LINC00237: variants seen among roughly 807,000 people sequenced by gnomAD.
LINC00237 encodes the protein long intergenic non-protein coding RNA 237.
exon 2 of LINC00237, chr20:21,093,541 A>G (rs1198858332): frequency 6.6e-6 from 1 of 152,270 alleles, no homozygotes; most frequent in African/African-American, 2.4e-5. Flanking sequence ...AAACGGTCCA[A>G]TCACAACACA....
At chr20:21,088,072 C>T (rs1211948048) in intron 2 of LINC00237, 1 of 152,204 alleles carries the variant, frequency 6.6e-6, no homozygotes, top group Non-Finnish European at 1.5e-5. Flanking sequence ...GTTACCAATG[C>T]ATTACAGCTG....
chr20:21,086,646 ATAC>A (rs2030703354), intron 3 of LINC00237, among the ~76,000 whole-genome samples: 3 of 129,884 alleles, frequency 2.3e-5, no homozygotes, highest in African/African-American at 8.9e-5. Context: ...TATATATAGT[ATAC>A]TATATATGTA....
intron 1 of LINC00237, among the ~76,000 whole-genome samples, chr20:21,097,479 T>C (rs997314384): frequency 1.1e-4 from 16 of 152,268 alleles, no homozygotes; most frequent in Admixed American, 7.9e-4. Flanking sequence ...AAAAAATCCT[T>C]TATGCTCCAT....
chr20:21,088,518 G>T (rs2030744958), intron 2 of LINC00237, among the ~76,000 whole-genome samples: 1 of 152,210 alleles, frequency 6.6e-6, no homozygotes, highest in Admixed American at 6.5e-5. Context: ...GACAATTGGA[G>T]TTGCAAGTCT....
chr20:21,098,234 A>T lies in LINC00237; in HGVS notation n.89-4382T>A, dbSNP rs184816827. Among the ~76,000 whole-genome samples, 506 of 152,344 alleles carry T rather than the reference A, an allele frequency of 3.3e-3. 3 individuals are homozygous for T. The highest frequency in any genetic ancestry group is 0.012 in the African/African-American group (482 of 41,582). On this transcript the variant is annotated intron_variant and non_coding_transcript_variant, in intron 1 of 3. Transcript: ENST00000691244. ...GAAATGTTTTCAAATCACTCTGCTG[A>T]CTAGAGGAGTCTGAATCAAAGTCAG...
chr20:21,086,875 C>A (rs2030716917), intron 3 of LINC00237, among the ~76,000 whole-genome samples: 1 of 128,650 alleles, frequency 7.8e-6, no homozygotes. Context: ...ATAGTATACA[C>A]TATATAGTAT....
At chr20:21,097,460 A>C (rs1304433265) in intron 1 of LINC00237, among the ~76,000 whole-genome samples, 1 of 152,116 alleles carries the variant, frequency 6.6e-6, no homozygotes, top group Non-Finnish European at 1.5e-5. Context: ...CTTTTATGTC[A>C]ATTTAAAAAA....
intron 3 of LINC00237, chr20:21,087,823 A>C (rs6137253): frequency 0.13 from 20,511 of 152,180 alleles, 1,550 homozygotes; most frequent in East Asian, 0.31. Flanking sequence ...AGGAACGAGC[A>C]AATATTTTTT....
At chr20:21,088,430 G>T (rs1007471432) in intron 2 of LINC00237, among the ~76,000 whole-genome samples, 3 of 152,094 alleles carry the variant, frequency 2.0e-5, no homozygotes, top group Non-Finnish European at 4.4e-5. Context: ...CCACACAAAC[G>T]CTATACTATT....
chr20:21,094,045 G>A (rs2030824703), intron 1 of LINC00237, among the ~76,000 whole-genome samples: 2 of 152,210 alleles, frequency 1.3e-5, no homozygotes, highest in Admixed American at 1.3e-4. Flanking sequence ...TTTGGGAAGG[G>A]GAAGCCTTCC....
chr20:21,091,066 T>C (rs1185244542), intron 2 of LINC00237, among the ~76,000 whole-genome samples: 3 of 151,812 alleles, frequency 2.0e-5, no homozygotes, highest in East Asian at 1.9e-4. Context: ...TGTGCGTGTG[T>C]GTGTGTGTGT....
rs1159290706 is a variant in LINC00237 at position 21,101,543 on chromosome 20, G to A, written n.88+4728C>T. The A allele has an allele frequency of 6.6e-6, 1 of 152,402 alleles. No individual in the cohort carries two copies. Among genetic ancestry groups the A allele is most frequent in the Non-Finnish European group, 1.5e-5 (1 of 68,184 alleles). 9.4% of individuals were successfully genotyped at this position (152,402 alleles called of 1,614,324 possible). On this transcript the variant is annotated intron_variant and non_coding_transcript_variant, in intron 1 of 3. Transcript: ENST00000691244. The surrounding 1 kb of genome is among the most constrained non-coding windows in gnomAD (Gnocchi z 4.3). ...TGGAGTCCCCTCCAGTGTCCCCAGG[G>A]ACGCAGTCCGCGGCCGCCAGCTCCA...
At chr20:21,086,017 T>C (rs2030687467) in intron 3 of LINC00237, among the ~76,000 whole-genome samples, 1 of 152,204 alleles carries the variant, frequency 6.6e-6, no homozygotes, top group African/African-American at 2.4e-5. Flanking sequence ...GCACACGCAG[T>C]GCATTTGCAT....
At chr20:21,090,318 A>C (rs1429163672) in intron 2 of LINC00237, 3 of 152,228 alleles carry the variant, frequency 2.0e-5, no homozygotes, top group Non-Finnish European at 2.9e-5. Flanking sequence ...TGTCTAAAAG[A>C]CGGTGTTTTT....
chr20:21,089,570 C>T (rs1334475709), intron 2 of LINC00237: 1 of 152,134 alleles, frequency 6.6e-6, no homozygotes, highest in Non-Finnish European at 1.5e-5. Context: ...TTTACCTGCA[C>T]AGGAAGAATT....
intron 2 of LINC00237, among the ~76,000 whole-genome samples, chr20:21,092,094 A>G (rs2030800887): frequency 6.6e-6 from 1 of 152,222 alleles, no homozygotes; most frequent in African/African-American, 2.4e-5. Flanking sequence ...CTTCAACTCA[A>G]TTAAAGAGTC....
chr20:21,105,072 G>A (rs1309231816), intron 1 of LINC00237, among the ~76,000 whole-genome samples: 1 of 152,128 alleles, frequency 6.6e-6, no homozygotes, highest in Non-Finnish European at 1.5e-5. Flanking sequence ...CCGAAGCACC[G>A]GACACCAGGC....
chr20:21,102,997 C>T (rs1300377295), intron 1 of LINC00237, among the ~76,000 whole-genome samples: 1 of 152,250 alleles, frequency 6.6e-6, no homozygotes, highest in East Asian at 1.9e-4. Context: ...GGCTTGGCGC[C>T]TGTGCTGAGA....
At chr20:21,091,142 G>A (rs1309818347) in intron 2 of LINC00237, among the ~76,000 whole-genome samples, 3 of 151,402 alleles carry the variant, frequency 2.0e-5, no homozygotes, top group Non-Finnish European at 4.4e-5. Context: ...TTCATGAGGT[G>A]CATAATCATT....
Sources: gnomAD v4.1 joint callset for allele counts (sites outside exome capture counted in the v4.1 genomes callset) on GRCh38, gnomAD v4.1.1 for gene constraint, Gnocchi (gnomAD v3.1) non-coding constraint, MANE v1.5 for transcripts, NCBI Gene and HGNC (gene_info 2026-07-23, HGNC 2026-07-21) for gene names.